RBFOX1: variants seen among roughly 807,000 people sequenced by gnomAD.
RBFOX1 encodes RNA binding fox-1 homolog 1.
In RBFOX1, 8 loss-of-function variants were observed where a neutral mutation model predicts 57.7. The observed-to-expected ratio is 0.14, with a 90% CI of 0.08 to 0.25. The LOEUF (loss-of-function observed/expected upper bound fraction) is 0.25, where lower values mean the gene tolerates loss of function less well. Among genes scored for constraint, RBFOX1 ranks in the 10% least tolerant of loss-of-function variants. The pLI is 1.00. For missense variants in RBFOX1, 611 were observed against 548.5 expected, an observed-to-expected ratio of 1.11 and a Z score of -1.14; for synonymous variants, 326 against 222.4, an observed-to-expected ratio of 1.47 and a Z score of -4.15.
intron 3 of RBFOX1, among the ~76,000 whole-genome samples, chr16:6,712,883 GTT>G (rs61328266): frequency 0.41 from 34,206 of 82,804 alleles, 5,448 homozygotes; most frequent in Non-Finnish European, 0.43. Context: ...TCATGGGGGT[GTT>G]TTTTTTTTTT....
At chr16:7,649,673 A>G (rs912659182) in intron 11 of RBFOX1, among the ~76,000 whole-genome samples, 2 of 152,156 alleles carry the variant, frequency 1.3e-5, no homozygotes, top group African/African-American at 4.8e-5. Context: ...ACATTGGTTA[A>G]CCACTGACAG....
chr16:6,023,044 C>G (rs1426939441), intron 1 of RBFOX1, among the ~76,000 whole-genome samples: 2 of 152,032 alleles, frequency 1.3e-5, no homozygotes, highest in Admixed American at 6.6e-5. Flanking sequence ...TGGCCAGGGT[C>G]TCAGGGGCCA....
chr16:5,548,451 T>C (rs1472951971), intron 2 of RBFOX1, among the ~76,000 whole-genome samples: 1 of 151,908 alleles, frequency 6.6e-6, no homozygotes, highest in African/African-American at 2.4e-5. Flanking sequence ...TAGCACAATA[T>C]AGTGACCATA....
intron 3 of RBFOX1, among the ~76,000 whole-genome samples, chr16:6,893,540 G>A (rs1235841197): frequency 6.6e-6 from 1 of 152,076 alleles, no homozygotes; most frequent in Non-Finnish European, 1.5e-5. Context: ...GTGGAGTTCT[G>A]AATCAAACCA....
chr16:6,842,504 T>C (rs2093532538), intron 3 of RBFOX1, among the ~76,000 whole-genome samples: 1 of 152,136 alleles, frequency 6.6e-6, no homozygotes. Flanking sequence ...AATTGAATCA[T>C]ATATTTTTAT....
chr16:7,276,805 T>G (rs2095448954), intron 4 of RBFOX1, among the ~76,000 whole-genome samples: 1 of 152,196 alleles, frequency 6.6e-6, no homozygotes, highest in Non-Finnish European at 1.5e-5. Context: ...AAAATGTTCT[T>G]AAGGATAGTC....
intron 4 of RBFOX1, among the ~76,000 whole-genome samples, chr16:7,504,750 TATA>T (rs2072453666): frequency 1.5e-4 from 1 of 6,590 alleles, no homozygotes; most frequent in African/African-American, 2.8e-4. Context: ...TATATATATA[TATA>T]TTTATATATA....
At chr16:6,087,639 G>C (rs910686312) in intron 1 of RBFOX1, among the ~76,000 whole-genome samples, 1 of 151,706 alleles carries the variant, frequency 6.6e-6, no homozygotes, top group Non-Finnish European at 1.5e-5. Flanking sequence ...CATTCCCCTT[G>C]GCTGGATATT....
intron 2 of RBFOX1, among the ~76,000 whole-genome samples, chr16:6,553,494 C>T (rs559849243): frequency 3.9e-5 from 6 of 152,306 alleles, no homozygotes; most frequent in Admixed American, 3.9e-4. Flanking sequence ...ATGCCACCTA[C>T]ACCAATCCAC....
At chr16:6,217,174 C>CTTTTTTTTT (rs71142697) in intron 1 of RBFOX1, among the ~76,000 whole-genome samples, 2 of 119,058 alleles carry the variant, frequency 1.7e-5, no homozygotes, top group African/African-American at 3.2e-5. Flanking sequence ...TTAGGGGATT[C>CTTTTTTTTT]TTTTTTTTTT....
chr16:5,706,809 G>A (rs1399216022), intron 3 of RBFOX1, among the ~76,000 whole-genome samples: 3 of 152,008 alleles, frequency 2.0e-5, no homozygotes, highest in African/African-American at 7.2e-5. Flanking sequence ...TGTGAGAGTG[G>A]GGAGGAATCA....
chr16:5,362,468 T>C (rs896337520), intron 1 of RBFOX1, among the ~76,000 whole-genome samples: 1 of 152,158 alleles, frequency 6.6e-6, no homozygotes, highest in East Asian at 1.9e-4. Context: ...GTTCAAGCGA[T>C]TCTCCTGCCT....
At chr16:6,176,264 G>T (rs960517316) in intron 1 of RBFOX1, among the ~76,000 whole-genome samples, 1 of 150,252 alleles carries the variant, frequency 6.7e-6, no homozygotes, top group African/African-American at 2.5e-5. Flanking sequence ...TCCTGCCTCA[G>T]CCTCCCGAGT....
At chr16:6,544,038 C>A (rs2096860533) in intron 2 of RBFOX1, among the ~76,000 whole-genome samples, 2 of 152,198 alleles carry the variant, frequency 1.3e-5, no homozygotes, top group African/African-American at 2.4e-5. Flanking sequence ...TAGCAAGTAC[C>A]TGAGATGCTC....
chr16:7,086,925 C>T (rs1441612470), intron 4 of RBFOX1, among the ~76,000 whole-genome samples: 1 of 152,178 alleles, frequency 6.6e-6, no homozygotes, highest in Non-Finnish European at 1.5e-5. Flanking sequence ...CATCCCCCGG[C>T]CCTCCTTCCC....
chr16:7,120,862 C>CACACACACACACACACACATAT (rs1168387316), intron 4 of RBFOX1, among the ~76,000 whole-genome samples: 1 of 143,726 alleles, frequency 7.0e-6, no homozygotes, highest in Non-Finnish European at 1.5e-5. Context: ...CACACACATA[C>CACACACACACACACACACATAT]GTAAACATAT....
At chr16:7,500,031 A>C (rs1254702175) in intron 4 of RBFOX1, among the ~76,000 whole-genome samples, 1 of 152,134 alleles carries the variant, frequency 6.6e-6, no homozygotes, top group Non-Finnish European at 1.5e-5. Context: ...TTCTTCCTCA[A>C]GTCAGCCAGG....
At chr16:5,718,458 C>G (rs907449342) in intron 3 of RBFOX1, among the ~76,000 whole-genome samples, 2 of 152,170 alleles carry the variant, frequency 1.3e-5, no homozygotes, top group African/African-American at 4.8e-5. Context: ...TTGATGATAG[C>G]TAACTGATAA....
At chr16:6,675,369 AT>A (rs939177856) in intron 3 of RBFOX1, among the ~76,000 whole-genome samples, 17 of 149,400 alleles carry the variant, frequency 1.1e-4, no homozygotes, top group Admixed American at 4.0e-4. Flanking sequence ...CCAATTTCTC[AT>A]TTTTTTTTTC....
Sources: allele counts gnomAD v4.1 joint callset (sites outside exome capture counted in the v4.1 genomes callset), GRCh38; gene constraint gnomAD v4.1.1; transcripts MANE v1.5; gene names NCBI Gene and HGNC (gene_info 2026-07-23, HGNC 2026-07-21).